Variants in DCC observed in about 807,000 individuals in gnomAD.
DCC encodes netrin receptor DCC.
DCC carries 58 observed loss-of-function variants against 172.5 expected under a neutral mutation model. The observed-to-expected ratio is 0.34, with a 90% CI of 0.27 to 0.42. The LOEUF (loss-of-function observed/expected upper bound fraction) is 0.42, where lower values mean the gene tolerates loss of function less well. Ranked by LOEUF, DCC falls within the 10% of genes least tolerant of loss-of-function variation. DCC has a pLI of 1.00. For synonymous variants in DCC, 709 were observed against 644.5 expected, an observed-to-expected ratio of 1.10 and a Z score of -1.52; for missense variants, 1,740 against 1,791.0, an observed-to-expected ratio of 0.97 and a Z score of 0.51.
In DCC at chr18:53,305,564, C is replaced by T. The variant is rs2057190001; in HGVS notation, c.1912-14C>T. 1 of 1,602,294 alleles carries T rather than the reference C, an allele frequency of 6.2e-7. No homozygotes were observed. The highest frequency in any genetic ancestry group is 2.2e-5 in the East Asian group (1 of 44,792). On this transcript the variant is annotated splice_polypyrimidine_tract_variant and intron_variant, in intron 12 of 28. Transcript: ENST00000442544. ...CTTTCTTCAATGTTTTAATTTACACCTATTATTTTACAGAGTATCAAAGTT... is the reference window on the plus strand; with the variant it reads ...CTTTCTTCAATGTTTTAATTTACACTTATTATTTTACAGAGTATCAAAGTT...
chr18:52,785,490 G>C (rs552541571), intron 2 of DCC, among the ~76,000 whole-genome samples: 11 of 151,960 alleles, frequency 7.2e-5, no homozygotes, highest in Non-Finnish European at 7.4e-5. Flanking sequence ...GAGAATGTTG[G>C]ATGACAACTT....
intron 11 of DCC, among the ~76,000 whole-genome samples, chr18:53,214,073 C>A (rs2055806075): frequency 6.6e-6 from 1 of 151,616 alleles, no homozygotes; most frequent in Admixed American, 6.6e-5. Context: ...TATCTTTTTC[C>A]TTATTGGGGT....
chr18:52,793,541 T>C (rs2037815786), intron 2 of DCC, among the ~76,000 whole-genome samples: 1 of 152,214 alleles, frequency 6.6e-6, no homozygotes, highest in Non-Finnish European at 1.5e-5. Flanking sequence ...TAGATATGAA[T>C]CCCTAGTCAG....
chr18:53,408,600 C>G (rs1473614200), intron 19 of DCC, among the ~76,000 whole-genome samples: 1 of 152,116 alleles, frequency 6.6e-6, no homozygotes, highest in Non-Finnish European at 1.5e-5. Flanking sequence ...TAGGGCCCAT[C>G]TACATACCGA....
At chr18:52,437,191 A>G (rs1987823626) in intron 1 of DCC, among the ~76,000 whole-genome samples, 1 of 152,216 alleles carries the variant, frequency 6.6e-6, no homozygotes, top group South Asian at 2.1e-4. Flanking sequence ...TAAGATGGCA[A>G]ATTGCCAAAT....
chr18:52,548,185 T>C (rs1000248468), intron 1 of DCC, among the ~76,000 whole-genome samples: 1 of 152,188 alleles, frequency 6.6e-6, no homozygotes, highest in African/African-American at 2.4e-5. Flanking sequence ...TTCCAATTTG[T>C]TGCCTTTTGA....
intron 1 of DCC, among the ~76,000 whole-genome samples, chr18:52,367,744 A>G (rs1469345677): frequency 6.6e-6 from 1 of 152,212 alleles, no homozygotes; most frequent in African/African-American, 2.4e-5. Context: ...GGTGCAGAGA[A>G]TCTGAAGCAG....
At chr18:53,224,743 A>G (rs568494573) in intron 12 of DCC, among the ~76,000 whole-genome samples, 2 of 152,320 alleles carry the variant, frequency 1.3e-5, no homozygotes, top group South Asian at 4.1e-4. Flanking sequence ...ATTTTTGGCT[A>G]TAAAATGTAA....
chr18:52,906,571 CA>C (rs1568179429), intron 3 of DCC, among the ~76,000 whole-genome samples: 1 of 147,596 alleles, frequency 6.8e-6, no homozygotes, highest in Non-Finnish European at 1.5e-5. Flanking sequence ...TTTATTCATT[CA>C]CTTGTTCTAT....
chr18:52,576,433 G>A (rs9959870), intron 1 of DCC, among the ~76,000 whole-genome samples: 35,560 of 152,082 alleles, frequency 0.23, 4,527 homozygotes, highest in East Asian at 0.48. Context: ...GCACCTCGGC[G>A]GTCCATTCTG....
At chr18:52,961,173 G>A (rs1040823426) in intron 5 of DCC, among the ~76,000 whole-genome samples, 2 of 152,108 alleles carry the variant, frequency 1.3e-5, no homozygotes, top group African/African-American at 4.8e-5. Flanking sequence ...GATAGCATTA[G>A]GAGATATACC....
intron 7 of DCC, among the ~76,000 whole-genome samples, chr18:53,101,454 G>A (rs941542411): frequency 4.0e-5 from 6 of 151,890 alleles, no homozygotes; most frequent in South Asian, 4.1e-4. Flanking sequence ...CTTTAACAGC[G>A]GTGCTAACCC....
At chr18:52,682,110 T>C (rs2035759047) in intron 1 of DCC, among the ~76,000 whole-genome samples, 1 of 152,120 alleles carries the variant, frequency 6.6e-6, no homozygotes, top group Non-Finnish European at 1.5e-5. Flanking sequence ...AATTTGCTAA[T>C]GGGGTTCCAT....
At chr18:52,547,838 A>G (rs1568223625) in intron 1 of DCC, among the ~76,000 whole-genome samples, 1 of 152,142 alleles carries the variant, frequency 6.6e-6, no homozygotes, top group African/African-American at 2.4e-5. Context: ...GATAGTAAAT[A>G]TTATAGACTC....
chr18:52,771,885 AAG>A (rs1555659193), intron 2 of DCC, among the ~76,000 whole-genome samples: 2 of 147,552 alleles, frequency 1.4e-5, no homozygotes, highest in Non-Finnish European at 3.0e-5. Flanking sequence ...AAAAAAAAAA[AAG>A]AAAAAGAAAG....
At chr18:52,385,306 T>A (rs1985750412) in intron 1 of DCC, among the ~76,000 whole-genome samples, 2 of 151,582 alleles carry the variant, frequency 1.3e-5, no homozygotes, top group South Asian at 2.1e-4. Context: ...GACAGAGTCT[T>A]GTTCTAGTAC....
chr18:52,918,196 C>T (rs1474449452), intron 3 of DCC, among the ~76,000 whole-genome samples: 1 of 152,104 alleles, frequency 6.6e-6, no homozygotes, highest in Non-Finnish European at 1.5e-5. Context: ...TTCTGATACC[C>T]TCTCCTGTAA....
At chr18:52,684,191 G>T (rs1353782828) in intron 1 of DCC, among the ~76,000 whole-genome samples, 1 of 152,144 alleles carries the variant, frequency 6.6e-6, no homozygotes, top group Non-Finnish European at 1.5e-5. Context: ...TTGTGGTGAG[G>T]TTATATTCTG....
At chr18:52,433,644 A>T (rs1477478453) in intron 1 of DCC, among the ~76,000 whole-genome samples, 1 of 152,226 alleles carries the variant, frequency 6.6e-6, no homozygotes, top group Non-Finnish European at 1.5e-5. Flanking sequence ...TTGATGAAAA[A>T]ACAAAGTTAT....
Sources: gnomAD v4.1 joint callset for allele counts (sites outside exome capture counted in the v4.1 genomes callset) on GRCh38, gnomAD v4.1.1 for gene constraint, MANE v1.5 for transcripts, NCBI Gene and HGNC (gene_info 2026-07-23, HGNC 2026-07-21) for gene names.